Variants in DOK6 observed in about 807,000 individuals in gnomAD.
DOK6 encodes docking protein 6.
DOK6 carries 22 observed loss-of-function variants against 44.0 expected under a neutral mutation model. The observed-to-expected ratio is 0.50, with a 90% CI of 0.36 to 0.71. The LOEUF (loss-of-function observed/expected upper bound fraction) is 0.71. DOK6 is among the 30% of genes least tolerant of loss of function. The pLI is 0.00. For missense variants in DOK6, 340 were observed against 416.4 expected (o/e 0.82, Z 1.60); for synonymous variants, 166 against 145.5 (o/e 1.14, Z -1.01).
chr18:69,540,729 C>T (rs1375566423), intron 1 of DOK6, among the ~76,000 whole-genome samples: 3 of 150,526 alleles, frequency 2.0e-5, no homozygotes, highest in African/African-American at 7.5e-5. Flanking sequence ...ATTTTATTAA[C>T]ACTTATCTTA....
intron 1 of DOK6, among the ~76,000 whole-genome samples, chr18:69,472,080 T>G (rs1980129278): frequency 6.6e-6 from 1 of 152,218 alleles, no homozygotes; most frequent in African/African-American, 2.4e-5. Flanking sequence ...AACTCTTTAG[T>G]TAGGTAACAT....
At chr18:69,426,731 G>T (rs1041030099) in intron 1 of DOK6, among the ~76,000 whole-genome samples, 1 of 152,162 alleles carries the variant, frequency 6.6e-6, no homozygotes, top group Admixed American at 6.5e-5. Context: ...AATATGATAT[G>T]TGTCACATTT....
At chr18:69,548,015 G>A (rs12957196) in intron 1 of DOK6, among the ~76,000 whole-genome samples, 27,429 of 149,146 alleles carry the variant, frequency 0.18, 3,681 homozygotes, top group Middle Eastern at 0.36. Flanking sequence ...GTGCAGTGGC[G>A]CAATCTCAGC....
At chr18:69,688,868 G>T (rs934306666) in intron 4 of DOK6, among the ~76,000 whole-genome samples, 1 of 152,126 alleles carries the variant, frequency 6.6e-6, no homozygotes, top group Non-Finnish European at 1.5e-5. Flanking sequence ...ATTCTAGAAT[G>T]ACTGGATATC....
Position 69,429,551 on chromosome 18 carries a change from A to G in DOK6, c.66+28241A>G, listed in dbSNP as rs113330139. Among the ~76,000 whole-genome samples, 209 of 138,526 alleles carry G rather than the reference A, an allele frequency of 1.5e-3. 1 individual carries two copies. The highest frequency in any genetic ancestry group is 7.6e-3 in the Middle Eastern group (2 of 264). 90.9% of individuals were successfully genotyped at this position (138,526 alleles called of 152,430 possible). On this transcript the variant is annotated intron_variant, in intron 1 of 7. Transcript: ENST00000382713. ...TTGAAAACCACAATGTATTCAATCA[A>G]AGTTACATTTAATACAAACAACATC...
rs537489345 is a variant in DOK6 at position 69,458,863 on chromosome 18, G to A, written c.66+57553G>A. Among the ~76,000 whole-genome samples the A allele has an allele frequency of 1.5e-4, 23 of 152,196 alleles. No homozygotes were observed. In the East Asian group the frequency reaches 2.9e-3, roughly 19 times the overall value. On this transcript the variant is annotated intron_variant, in intron 1 of 7. Transcript: ENST00000382713. ...TCCCAGCATTTTGGGCAGCCAGGGCGGGTGGATCACCTGAGGTCAGGAGTT... is the reference window on the plus strand; with the variant it reads ...TCCCAGCATTTTGGGCAGCCAGGGCAGGTGGATCACCTGAGGTCAGGAGTT...
At chr18:69,535,694 A>T (rs1982104642) in intron 1 of DOK6, among the ~76,000 whole-genome samples, 1 of 151,900 alleles carries the variant, frequency 6.6e-6, no homozygotes, top group African/African-American at 2.4e-5. Flanking sequence ...GTCTTTACTT[A>T]GGCTATAAAA....
intron 3 of DOK6, among the ~76,000 whole-genome samples, chr18:69,668,138 A>AG (rs2144677606): frequency 6.6e-6 from 1 of 152,114 alleles, no homozygotes; most frequent in Admixed American, 6.5e-5. Context: ...CAAATCTTGT[A>AG]GGCTTTCCTG....
chr18:69,612,441 G>T (rs10084097), intron 3 of DOK6, among the ~76,000 whole-genome samples: 9 of 143,410 alleles, frequency 6.3e-5, no homozygotes, highest in Admixed American at 4.8e-4. Flanking sequence ...ATGTGTGCGA[G>T]GGCGCATGTG....
At chr18:69,481,596 C>T (rs1980424049) in intron 1 of DOK6, among the ~76,000 whole-genome samples, 1 of 152,108 alleles carries the variant, frequency 6.6e-6, no homozygotes. Context: ...TGTATGTGTG[C>T]CACATTTTCT....
chr18:69,429,435 C>T (rs1361098759), intron 1 of DOK6, among the ~76,000 whole-genome samples: 1 of 151,566 alleles, frequency 6.6e-6, no homozygotes, highest in Non-Finnish European at 1.5e-5. Context: ...TTATTTACTA[C>T]ACATGGATAT....
intron 3 of DOK6, chr18:69,643,938 G>C (rs1160427262): frequency 6.6e-6 from 1 of 152,030 alleles, no homozygotes; most frequent in Middle Eastern, 3.2e-3. Context: ...TTTTAATTTG[G>C]CCATCCGGAT....
chr18:69,826,204 T>G (rs1372487983), intron 7 of DOK6, among the ~76,000 whole-genome samples: 2 of 152,184 alleles, frequency 1.3e-5, no homozygotes, highest in African/African-American at 4.8e-5. Context: ...CCTAACACTC[T>G]GCTACTTGAT....
At chr18:69,738,011 C>T (rs930759581) in intron 5 of DOK6, among the ~76,000 whole-genome samples, 1 of 152,172 alleles carries the variant, frequency 6.6e-6, no homozygotes, top group African/African-American at 2.4e-5. Flanking sequence ...CTTCATTTTT[C>T]CCCCAGACTT....
intron 3 of DOK6, among the ~76,000 whole-genome samples, chr18:69,610,044 A>G (rs1984100590): frequency 6.6e-6 from 1 of 152,226 alleles, no homozygotes; most frequent in Non-Finnish European, 1.5e-5. Context: ...ATAAAGTTTC[A>G]GTTAAGCAAA....
At chr18:69,639,468 C>T (rs537922158) in intron 3 of DOK6, among the ~76,000 whole-genome samples, 1 of 152,304 alleles carries the variant, frequency 6.6e-6, no homozygotes, top group South Asian at 2.1e-4. Context: ...CCTCACCTGC[C>T]TTCTCTATAA....
chr18:69,462,193 G>T (rs1979807605), intron 1 of DOK6, among the ~76,000 whole-genome samples: 1 of 152,002 alleles, frequency 6.6e-6, no homozygotes, highest in Non-Finnish European at 1.5e-5. Context: ...CTATTTATTT[G>T]TCTGTATTTC....
At chr18:69,627,711 A>C (rs1984591413) in intron 3 of DOK6, among the ~76,000 whole-genome samples, 1 of 152,090 alleles carries the variant, frequency 6.6e-6, no homozygotes, top group Non-Finnish European at 1.5e-5. Flanking sequence ...GGCCTCCCAA[A>C]GTGCTGGGAT....
chr18:69,530,012 T>C (rs1409279426), intron 1 of DOK6, among the ~76,000 whole-genome samples: 1 of 152,214 alleles, frequency 6.6e-6, no homozygotes, highest in Non-Finnish European at 1.5e-5. Flanking sequence ...ATTAGACTTA[T>C]GGTTCCTCAT....
Sources: allele counts gnomAD v4.1 joint callset (sites outside exome capture counted in the v4.1 genomes callset), GRCh38; gene constraint gnomAD v4.1.1; transcripts MANE v1.5; gene names NCBI Gene and HGNC (gene_info 2026-07-23, HGNC 2026-07-21).